USPL1: variants seen among roughly 807,000 people sequenced by gnomAD.
USPL1 encodes the protein SUMO-specific isopeptidase USPL1.
Under a neutral mutation model 51.5 loss-of-function variants are expected in USPL1, and 27 were observed. The observed-to-expected ratio is 0.52, with a 90% CI of 0.39 to 0.72. USPL1 has a LOEUF of 0.72. Among genes scored for constraint, USPL1 ranks in the 30% least tolerant of loss-of-function variants. The pLI is 0.00. For synonymous variants in USPL1, 451 were observed against 459.6 expected, an observed-to-expected ratio of 0.98 and a Z score of 0.24; for missense variants, 1,226 against 1,268.0, an observed-to-expected ratio of 0.97 and a Z score of 0.50.
chr13:30,644,175 C>T (rs1241972668), intron 6 of USPL1, among the ~76,000 whole-genome samples: 3 of 151,570 alleles, frequency 2.0e-5, no homozygotes, highest in East Asian at 2.0e-4. Flanking sequence ...CCCAGCTACT[C>T]GGGAGGCTGA....
chr13:30,633,444 C>T (rs937865284), intron 4 of USPL1, among the ~76,000 whole-genome samples: 9 of 152,058 alleles, frequency 5.9e-5, no homozygotes, highest in African/African-American at 2.2e-4. Context: ...TTTCCCTATA[C>T]ATACATAATT....
At position 30,660,400 on chromosome 13, in the gene USPL1, A is replaced by G. The variant is rs1951243470; in HGVS notation, c.*1044A>G. ...CCGAGCCTGCAAAAGCAGGCCCCCAAAAGTGCAGGGATGCCTGAGTCTGCA... is the reference window on the plus strand; with the variant it reads ...CCGAGCCTGCAAAAGCAGGCCCCCAGAAGTGCAGGGATGCCTGAGTCTGCA... On this transcript the variant is annotated 3_prime_UTR_variant, in exon 9 of 9. Transcript: ENST00000255304. 6.6e-6 allele frequency: 1 copy of G among 152,254 alleles called. No homozygotes were observed. Among genetic ancestry groups the G allele is most frequent in the Non-Finnish European group, 1.5e-5 (1 of 68,060 alleles). The allele number at this position is 152,254 out of a possible 1,614,324, so 9.4% of individuals were successfully genotyped here.
intron 4 of USPL1, among the ~76,000 whole-genome samples, chr13:30,636,114 G>T (rs917081040): frequency 6.6e-6 from 1 of 152,084 alleles, no homozygotes; most frequent in Admixed American, 6.6e-5. Context: ...TTAAAATTCA[G>T]TTTCTCACAA....
chr13:30,624,839 A>G (rs1950690598), intron 3 of USPL1, among the ~76,000 whole-genome samples: 1 of 152,244 alleles, frequency 6.6e-6, no homozygotes, highest in Admixed American at 6.5e-5. Flanking sequence ...TGCCTGGTCC[A>G]TCTGTGGACG....
At chr13:30,622,735 T>C (rs887390867) in intron 3 of USPL1, among the ~76,000 whole-genome samples, 2 of 152,180 alleles carry the variant, frequency 1.3e-5, no homozygotes, top group Non-Finnish European at 2.9e-5. Flanking sequence ...CAGAATTCTG[T>C]GGTTTTGTAA....
chr13:30,658,265 A>T lies in USPL1; in HGVS notation c.2188A>T (p.Thr730Ser). The T allele has an allele frequency of 6.2e-7, 1 of 1,612,934 alleles. No homozygotes were observed. The highest frequency in any genetic ancestry group is 1.1e-5 in the South Asian group (1 of 90,652). ...SQVSNLKKKE[T>S]TADSQTTTSK... ...GGTATCTAATTTGAAGAAAAAAGAA[A>T]CTACAGCAGATTCTCAAACCACAAC... Residue 730 changes from threonine (T) to serine (S), a missense_variant, in exon 9 of 9, where the codon ACT (threonine) becomes TCT (serine). Transcript: ENST00000255304.
At chr13:30,636,576 G>C (rs972323845) in intron 4 of USPL1, among the ~76,000 whole-genome samples, 1 of 152,096 alleles carries the variant, frequency 6.6e-6, no homozygotes, top group Non-Finnish European at 1.5e-5. Context: ...ATTAATCTTG[G>C]ATAGTTTCTT....
chr13:30,632,406 ATTTTTTTTTT>A (rs60539080), intron 4 of USPL1, among the ~76,000 whole-genome samples: 7 of 83,688 alleles, frequency 8.4e-5, no homozygotes, highest in African/African-American at 2.1e-4. Flanking sequence ...TGCTATTGTG[ATTTTTTTTTT>A]TTTTTTTTTT....
At chr13:30,640,059 C>A (rs1451661645) in intron 5 of USPL1, among the ~76,000 whole-genome samples, 2 of 152,136 alleles carry the variant, frequency 1.3e-5, no homozygotes, top group Non-Finnish European at 2.9e-5. Flanking sequence ...GTTTTACTGC[C>A]CATTCAAGGA....
intron 4 of USPL1, among the ~76,000 whole-genome samples, chr13:30,632,406 ATTTTT>A (rs60539080): frequency 2.4e-5 from 2 of 83,688 alleles, no homozygotes; most frequent in Non-Finnish European, 4.4e-5. Context: ...TGCTATTGTG[ATTTTT>A]TTTTTTTTTT....
intron 3 of USPL1, among the ~76,000 whole-genome samples, chr13:30,624,632 A>G (rs966035133): frequency 6.6e-6 from 1 of 151,546 alleles, no homozygotes; most frequent in Non-Finnish European, 1.5e-5. Context: ...TATTAAAAGA[A>G]AAAAAAAAGA....
At chr13:30,654,768 A>G (rs1199571023) in intron 8 of USPL1, among the ~76,000 whole-genome samples, 1 of 152,116 alleles carries the variant, frequency 6.6e-6, no homozygotes, top group Non-Finnish European at 1.5e-5. Flanking sequence ...AACTTATCAG[A>G]GAATTCATAT....
chr13:30,624,030 A>T (rs142980432), intron 3 of USPL1, among the ~76,000 whole-genome samples: 42 of 152,280 alleles, frequency 2.8e-4, no homozygotes, highest in African/African-American at 9.9e-4. Flanking sequence ...GGGGAGTGGG[A>T]ACCTTTGTAG....
chr13:30,627,205 G>C (rs1055564870), intron 3 of USPL1, among the ~76,000 whole-genome samples: 3 of 151,742 alleles, frequency 2.0e-5, no homozygotes, highest in Admixed American at 2.0e-4. Context: ...TTTGAAGACA[G>C]CTTAAAAGCT....
chr13:30,639,274 A>G (rs906520550), intron 5 of USPL1, among the ~76,000 whole-genome samples: 3 of 150,690 alleles, frequency 2.0e-5, no homozygotes, highest in African/African-American at 7.3e-5. Context: ...GTGCGTGTGT[A>G]TATATATATA....
chr13:30,621,975 A>C, intron 3 of USPL1, 83 bp downstream of exon 3: 1 of 1,092,874 alleles, frequency 9.2e-7, no homozygotes, highest in Non-Finnish European at 1.2e-6. Context: ...AAGTTTACTC[A>C]TTTTTTGTTT....
intron 1 of USPL1, among the ~76,000 whole-genome samples, chr13:30,619,232 A>C (rs923586953): frequency 6.6e-6 from 1 of 152,206 alleles, no homozygotes; most frequent in Admixed American, 6.5e-5. Flanking sequence ...ATTTGGAAGA[A>C]GAACTGGGGA....
intron 4 of USPL1, among the ~76,000 whole-genome samples, chr13:30,634,282 T>G (rs898145103): frequency 2.0e-5 from 3 of 152,144 alleles, no homozygotes; most frequent in Non-Finnish European, 2.9e-5. Context: ...GAAGGGAAGA[T>G]TCACGTTGCC....
At chr13:30,647,224 C>T (rs1207152457) in intron 7 of USPL1, among the ~76,000 whole-genome samples, 167 bp downstream of exon 7, 1 of 152,180 alleles carries the variant, frequency 6.6e-6, no homozygotes, top group Non-Finnish European at 1.5e-5. Context: ...AGTGAGCCCA[C>T]TGTCACGGTG....
Sources: allele counts gnomAD v4.1 joint callset (sites outside exome capture counted in the v4.1 genomes callset), GRCh38; gene constraint gnomAD v4.1.1; transcripts MANE v1.5; gene names NCBI Gene and HGNC (gene_info 2026-07-23, HGNC 2026-07-21).